The following STK3 variants were observed in gnomAD, a reference collection of about 807,000 sequenced individuals.
STK3 encodes serine/threonine kinase 3.
Under a neutral mutation model 58.0 loss-of-function variants are expected in STK3, and 41 were observed. The ratio of observed to expected loss-of-function variants is 0.71; its 90% CI spans 0.55 to 0.92. The LOEUF (loss-of-function observed/expected upper bound fraction) is 0.92, where lower values mean the gene tolerates loss of function less well. STK3 is among the 40% of genes least tolerant of loss of function. STK3 has a pLI of 0.00. For synonymous variants in STK3, 170 were observed against 191.0 expected, an observed-to-expected ratio of 0.89 and a Z score of 0.91; for missense variants, 479 against 602.7, an observed-to-expected ratio of 0.79 and a Z score of 2.15.
At chr8:98,585,020 G>A (rs1472212413) in intron 7 of STK3, among the ~76,000 whole-genome samples, 23 of 148,074 alleles carry the variant, frequency 1.6e-4, no homozygotes, top group East Asian at 4.0e-4. Context: ...AGTAGGTTGC[G>A]AAAATTTTCT....
chr8:98,603,851 A>G (rs1816561013), intron 6 of STK3, among the ~76,000 whole-genome samples: 1 of 151,982 alleles, frequency 6.6e-6, no homozygotes, highest in African/African-American at 2.4e-5. Context: ...TAATGCCCCC[A>G]CCCCGCAAGA....
intron 1 of STK3, among the ~76,000 whole-genome samples, chr8:98,941,085 C>T (rs528367291): frequency 1.2e-3 from 182 of 152,334 alleles, no homozygotes; most frequent in Non-Finnish European, 2.4e-3. Context: ...TGGCCGCCCC[C>T]TCAGCCCGCG....
intron 9 of STK3, among the ~76,000 whole-genome samples, chr8:98,534,862 C>T (rs1809629020): frequency 6.6e-6 from 1 of 152,192 alleles, no homozygotes. Context: ...TGTAGCTCAA[C>T]TTACACATAT....
At chr8:98,683,390 C>G (rs919110444) in intron 6 of STK3, among the ~76,000 whole-genome samples, 5 of 151,876 alleles carry the variant, frequency 3.3e-5, no homozygotes, top group African/African-American at 1.2e-4. Flanking sequence ...AAAATCTGAG[C>G]TTACCAGATT....
intron 8 of STK3, among the ~76,000 whole-genome samples, chr8:98,549,193 C>T (rs1403604293): frequency 6.6e-6 from 1 of 152,164 alleles, no homozygotes; most frequent in African/African-American, 2.4e-5. Flanking sequence ...CTGTTTTCCA[C>T]AGTGGCTATA....
chr8:98,581,555 G>C (rs1199003042), intron 7 of STK3, among the ~76,000 whole-genome samples: 1 of 151,746 alleles, frequency 6.6e-6, no homozygotes, highest in African/African-American at 2.4e-5. Flanking sequence ...CTGGTGACCG[G>C]GGTAGGCCAT....
intron 4 of STK3, among the ~76,000 whole-genome samples, chr8:98,738,871 T>G (rs896764657): frequency 4.6e-5 from 7 of 152,242 alleles, no homozygotes; most frequent in South Asian, 2.1e-4. Context: ...ACCTGGAAAA[T>G]CGGGTCACTC....
chr8:98,440,571 GT>G lies in STK3; in HGVS notation n.186-3364del, dbSNP rs1238063874. Reference sequence around the variant, plus strand: ...AATTTTATTACATAAGCACGTGTGTGTGTGTGTGTGTGTGTACCATTAACCA... The same window carrying G: ...AATTTTATTACATAAGCACGTGTGTGGTGTGTGTGTGTGTACCATTAACCA... On this transcript the variant is annotated intron_variant and non_coding_transcript_variant, in intron 1 of 3. Transcript: ENST00000517832. 2.0e-5 allele frequency among the ~76,000 whole-genome samples: 3 copies of G among 152,050 alleles called. No homozygotes were observed. In the East Asian group the frequency reaches 5.8e-4, roughly 29 times the overall value.
rs189794055 is a variant in STK3, at chr8:98,738,897, G to A, written c.351+10379C>T. Among the ~76,000 whole-genome samples, 942 of 152,364 alleles carry A rather than the reference G, an allele frequency of 6.2e-3. 7 individuals are homozygous for A. Among genetic ancestry groups the A allele is most frequent in the Middle Eastern group, 0.031 (9 of 294 alleles). ...CGGGTCACTCCCACCCGAATACTGC[G>A]CTTTTCCGACGCGCTTAAAAAACGG... On this transcript the variant is annotated intron_variant, in intron 4 of 10. Coordinates refer to ENST00000419617, the MANE Select transcript of STK3 (RefSeq NM_006281.4).
At chr8:98,598,652 A>G in intron 6 of STK3, 1 of 985,260 alleles carries the variant, frequency 1.0e-6, no homozygotes, top group Non-Finnish European at 1.2e-6. Context: ...AAGTTTTGGC[A>G]ATCAGTGGCT....
chr8:98,345,808 AAAT>A, the STK3 span, among the ~76,000 whole-genome samples: 1 of 152,068 alleles, frequency 6.6e-6, no homozygotes. Flanking sequence ...GAAATGTGGA[AAAT>A]ATAAAAGATC....
intron 1 of STK3, among the ~76,000 whole-genome samples, chr8:98,890,118 T>C (rs928608532): frequency 6.6e-6 from 1 of 152,200 alleles, no homozygotes; most frequent in Non-Finnish European, 1.5e-5. Context: ...TTGTGCAGTC[T>C]CCCAGTGAGT....
downstream of STK3, among the ~76,000 whole-genome samples, chr8:98,368,579 C>G (rs1817585481): frequency 6.6e-6 from 1 of 152,316 alleles, no homozygotes; most frequent in East Asian, 1.9e-4. Context: ...TGGACATGTC[C>G]AGGGTTAGGT....
chr8:98,883,773 T>C (rs1837882927), exon 2 of STK3: 1 of 701,952 alleles, frequency 1.4e-6, no homozygotes, highest in Admixed American at 2.0e-5. Context: ...CACTGAAGAG[T>C]CTAGCTCAGA....
In STK3 at chr8:98,428,079, A is replaced by G; in HGVS notation, n.483+6048T>C. ...CTTCAAGAGGAGGCTGCGCTCGCAC[A>G]CGCTGCTGCGCTTCCCCGAGACGCG... On this transcript the variant is annotated intron_variant and non_coding_transcript_variant, in intron 3 of 3. Coordinates refer to the STK3 transcript ENST00000517832. This position sits in a 1 kb window ranked among gnomAD's most constrained non-coding sequence, Gnocchi z 6.7. 3 of 1,613,592 alleles carry G rather than the reference A, an allele frequency of 1.9e-6. No homozygotes were observed. Among genetic ancestry groups the G allele is most frequent in the South Asian group, 2.2e-5 (2 of 91,048 alleles).
chr8:98,502,078 C>T (rs1038617293), intron 10 of STK3, among the ~76,000 whole-genome samples: 8 of 152,154 alleles, frequency 5.3e-5, no homozygotes, highest in Admixed American at 3.9e-4. Flanking sequence ...TCTTTTATTT[C>T]GTTGAGCAGT....
intron 4 of STK3, among the ~76,000 whole-genome samples, chr8:98,728,494 A>G (rs956138912): frequency 1.3e-5 from 2 of 152,188 alleles, no homozygotes; most frequent in Non-Finnish European, 2.9e-5. Context: ...TACTTACACC[A>G]TATGTAAATA....
At chr8:98,633,486 C>T (rs149471890) in intron 6 of STK3, 10 of 619,004 alleles carry the variant, frequency 1.6e-5, no homozygotes, top group East Asian at 8.8e-5. Flanking sequence ...GAAGGTAGAA[C>T]GATGGCGGTG....
In STK3 at chr8:98,788,180, G is replaced by A. The variant is rs542602260; in HGVS notation, c.27-13361C>T. 1.3e-4 allele frequency among the ~76,000 whole-genome samples: 20 copies of A among 152,154 alleles called. No individual in the cohort carries two copies. The South Asian group carries it at 2.3e-3, about 17-fold the overall frequency. On this transcript the variant is annotated intron_variant, in intron 1 of 10. Coordinates refer to ENST00000419617, the MANE Select transcript of STK3 (RefSeq NM_006281.4). ...GAACTGGCCGGGCATGGTGGCTCAC[G>A]GGGGTAATCTCAATACTGGGAGGCC...
Sources: gnomAD v4.1 joint callset for allele counts (sites outside exome capture counted in the v4.1 genomes callset) on GRCh38, gnomAD v4.1.1 for gene constraint, Gnocchi (gnomAD v3.1) non-coding constraint, MANE v1.5 for transcripts, NCBI Gene and HGNC (gene_info 2026-07-23, HGNC 2026-07-21) for gene names.